The following WDR1 variants were observed in gnomAD, a reference collection of about 807,000 sequenced individuals.
WDR1 encodes WD repeat domain 1.
Under a neutral mutation model 71.9 loss-of-function variants are expected in WDR1, and 21 were observed. The observed-to-expected ratio is 0.29, with a 90% CI of 0.21 to 0.42. WDR1 has a LOEUF of 0.42. Among genes scored for constraint, WDR1 ranks in the 10% least tolerant of loss-of-function variants. WDR1 has a pLI of 1.00. For missense variants in WDR1, 696 were observed against 824.5 expected (o/e 0.84, Z 1.91); for synonymous variants, 424 against 347.4 (o/e 1.22, Z -2.45).
At chr4:10,090,384 G>C (rs74797241) in intron 5 of WDR1, among the ~76,000 whole-genome samples, 1 of 152,164 alleles carries the variant, frequency 6.6e-6, no homozygotes, top group East Asian at 1.9e-4. Context: ...CAAGGAAATC[G>C]ATGTCCCCAC....
intron 5 of WDR1, among the ~76,000 whole-genome samples, chr4:10,090,910 G>A (rs1222664575): frequency 6.6e-6 from 1 of 152,270 alleles, no homozygotes; most frequent in Non-Finnish European, 1.5e-5. Flanking sequence ...TTCTATGACT[G>A]AAGAGCTCGT....
rs552717310 is a variant in WDR1 at position 10,094,875 on chromosome 4, C to G, written c.558+2836G>C. ...AGCTCAGGCACAGCATCATGGAGTT[C>G]TGCTTCAGCTTGTACTGAAACGCCT... On this transcript the variant is annotated intron_variant, in intron 5 of 14. Transcript: ENST00000499869. 6 of 152,388 alleles carry G rather than the reference C, an allele frequency of 3.9e-5. No homozygotes were observed. The South Asian group carries it at 6.2e-4, about 16-fold the overall frequency. The allele number at this position is 152,388 out of a possible 1,614,324, so 9.4% of individuals were successfully genotyped here.
At chr4:10,103,267 T>G (rs1046978695) in intron 3 of WDR1, among the ~76,000 whole-genome samples, 3 of 142,910 alleles carry the variant, frequency 2.1e-5, no homozygotes, top group Non-Finnish European at 3.1e-5. Flanking sequence ...CATTCACACA[T>G]ACACACACAC....
intron 8 of WDR1, among the ~76,000 whole-genome samples, 198 bp from the exon 9 acceptor site, chr4:10,084,728 G>T (rs904310686): frequency 6.6e-6 from 1 of 152,132 alleles, no homozygotes; most frequent in African/African-American, 2.4e-5. Flanking sequence ...CCTTTCCAAA[G>T]CTACCCAGTC....
Position 10,088,381 on chromosome 4 carries a change from G to GA in WDR1, c.637-9dup, listed in dbSNP as rs1560533973. 2 of 1,553,910 alleles carry GA rather than the reference G, an allele frequency of 1.3e-6. No individual in the cohort carries two copies. Among genetic ancestry groups the GA allele is most frequent in the Admixed American group, 3.9e-5 (2 of 51,414 alleles). On this transcript the variant is annotated splice_polypyrimidine_tract_variant and intron_variant, in intron 6 of 14. Coordinates refer to ENST00000499869, the MANE Select transcript of WDR1 (RefSeq NM_017491.5). ...CCCGTCATAGATGTATATCTTCCAA[G>GA]AAATAAAAACATGTGGGTCATGTGT...
chr4:10,099,174 C>CCCCGGGGGGGGGGGGGGGGGGGGGGGG, intron 3 of WDR1, 35 bp from the exon 4 acceptor site: 2 of 109,370 alleles, frequency 1.8e-5, no homozygotes, highest in Admixed American at 1.3e-4. Context: ...GGGGGGGAGG[C>CCCCGGGGGGGGGGGGGGGGGGGGGGGG]GGTGGTGGGG....
At position 10,075,190 on chromosome 4, in the gene WDR1, CT is replaced by C; in HGVS notation, c.*187del. The C allele has an allele frequency of 1.8e-6, 1 of 566,066 alleles. No individual in the cohort carries two copies. The highest frequency in any genetic ancestry group is 2.4e-5 in the South Asian group (1 of 42,384). 35.1% of individuals were successfully genotyped at this position (566,066 alleles called of 1,614,324 possible). ...TTTATTTTTCATGTGCAAACTGTTA[CT>C]GTCTAAAGCTTTCAGAAGAACGTGT... is the stretch of plus-strand genomic sequence containing the variant. On this transcript the variant is annotated 3_prime_UTR_variant, in exon 15 of 15. Transcript: ENST00000499869.
rs35313378 is a variant in WDR1 at position 10,087,911 on chromosome 4, C to T, written c.747G>A (p.Leu249=). The change falls in exon 8 of 15, where the codon TTG becomes TTA. Residue 249 remains leucine, a synonymous_variant. Transcript: ENST00000499869. ...AAGTTTTGTCCCCAGAAGCAGAAAG[C>T]AAATGGGTGCTGTCGGGACTCCAAC... ...AISWSPDSTH[L]LSASGDKTSK... is the part of the protein sequence containing the mutation. 734 of 1,558,494 alleles carry T rather than the reference C, an allele frequency of 4.7e-4. 8 individuals are homozygous for T. In the African/African-American group the frequency reaches 9.3e-3, roughly 20 times the overall value.
At chr4:10,081,301 C>G (rs1400077163) in intron 11 of WDR1, 56 bp downstream of exon 11, 3 of 1,560,530 alleles carry the variant, frequency 1.9e-6, no homozygotes, top group Non-Finnish European at 2.6e-6. Context: ...TCAAATTCAG[C>G]AAGCAGGCAC....
intron 3 of WDR1, among the ~76,000 whole-genome samples, chr4:10,101,058 A>G (rs912069229): frequency 2.6e-5 from 4 of 152,230 alleles, no homozygotes; most frequent in African/African-American, 9.6e-5. Context: ...AGGCCAAACC[A>G]CACGCCTGTC....
chr4:10,084,356 GC>G (rs1765127500), intron 9 of WDR1, 86 bp downstream of exon 9: 1 of 1,268,960 alleles, frequency 7.9e-7, no homozygotes, highest in African/African-American at 1.5e-5. Context: ...GAGCCACCTG[GC>G]TGGCCTGGCC....
Position 10,078,811 on chromosome 4 carries a change from G to A in WDR1, c.1395+80C>T, listed in dbSNP as rs367664409. 5.0e-5 allele frequency: 61 copies of A among 1,221,802 alleles called. 1 individual carries two copies. Among genetic ancestry groups the A allele is most frequent in the South Asian group, 3.3e-4 (23 of 69,410 alleles). The allele number at this position is 1,221,802 out of a possible 1,614,324, so 75.7% of individuals were successfully genotyped here. On this transcript the variant is annotated intron_variant, in intron 12 of 14. Coordinates refer to ENST00000499869, the MANE Select transcript of WDR1 (RefSeq NM_017491.5). The stretch of plus-strand genomic sequence containing the variant: ...CCCTCGCCTTCCCTGAGACAGCCCC[G>A]GTACTCACACAGCTCACACTGTCCC...
chr4:10,082,949 C>A (rs555317127), intron 10 of WDR1, 73 bp downstream of exon 10: 95 of 1,530,898 alleles, frequency 6.2e-5, no homozygotes, highest in Non-Finnish European at 7.2e-5. Context: ...AGAACAGTAA[C>A]TGCTGGAGGG....
rs775852146 is a variant in WDR1 at position 10,116,159 on chromosome 4, T to C, written c.92A>G (p.Asn31Ser). 1.5e-5 allele frequency: 25 copies of C among 1,613,422 alleles called. No individual in the cohort carries two copies. Among genetic ancestry groups the C allele is most frequent in the South Asian group, 2.2e-5 (2 of 91,058 alleles). The change falls in exon 2 of 15, where the codon AAT (asparagine) becomes AGT (serine). Residue 31 changes from asparagine (N) to serine (S), a missense_variant. Physicochemically the swap from Asn to Ser is conservative, Grantham distance 46. Coordinates refer to ENST00000499869, the MANE Select transcript of WDR1 (RefSeq NM_017491.5). The stretch of plus-strand genomic sequence containing the variant: ...GCACTTTCCATTGGTGTACAGAAAA[T>C]TGTTGCCCTTAGGGTCGCCGCCGAT... ...KIIGGDPKGN[N>S]FLYTNGKCVI... is the part of the protein sequence containing the mutation.
intron 3 of WDR1, among the ~76,000 whole-genome samples, chr4:10,102,743 C>A (rs1192108876): frequency 6.6e-6 from 1 of 152,170 alleles, no homozygotes; most frequent in African/African-American, 2.4e-5. Context: ...GCTGTGCACA[C>A]GCAGGATGGT....
chr4:10,111,706 C>A (rs1440403567), intron 2 of WDR1, among the ~76,000 whole-genome samples: 1 of 152,110 alleles, frequency 6.6e-6, no homozygotes, highest in African/African-American at 2.4e-5. Context: ...CCACCATTAC[C>A]CCCAACCCGC....
chr4:10,099,184 G>GGGGGGGGGGGGGGT, intron 3 of WDR1, 45 bp from the exon 4 acceptor site: 2 of 450,124 alleles, frequency 4.4e-6, no homozygotes, highest in African/African-American at 2.0e-5. Flanking sequence ...CGGTGGTGGG[G>GGGGGGGGGGGGGGT]TAAAGGGCAG....
In WDR1 at chr4:10,074,725, A is replaced by G. The variant is rs983732482; in HGVS notation, c.*653T>C. The G allele has an allele frequency of 1.3e-5, 2 of 152,322 alleles. No individual in the cohort carries two copies. Among genetic ancestry groups the G allele is most frequent in the Non-Finnish European group, 1.5e-5 (1 of 67,922 alleles). The allele number at this position is 152,322 out of a possible 1,614,324, so 9.4% of individuals were successfully genotyped here. A position where few individuals can be genotyped will look rare whatever the true frequency, so the allele number is the denominator to read the frequency against. ...TCAACGCACTAGTTTGTAAACACTG[A>G]CAGGCAACAGTTAAGATACATTAAA... On this transcript the variant is annotated 3_prime_UTR_variant, in exon 15 of 15. Coordinates refer to ENST00000499869, the MANE Select transcript of WDR1 (RefSeq NM_017491.5).
intron 3 of WDR1, among the ~76,000 whole-genome samples, chr4:10,103,563 C>A (rs1023245775): frequency 2.0e-5 from 3 of 152,036 alleles, no homozygotes; most frequent in African/African-American, 7.3e-5. Flanking sequence ...CTAATACTAT[C>A]GATAGCTGAT....
Sources: gnomAD v4.1 joint callset for allele counts (sites outside exome capture counted in the v4.1 genomes callset) on GRCh38, gnomAD v4.1.1 for gene constraint, MANE v1.5 for transcripts, NCBI Gene and HGNC (gene_info 2026-07-23, HGNC 2026-07-21) for gene names.